The following MYO1E variants were observed in gnomAD, a reference collection of about 807,000 sequenced individuals.
MYO1E encodes unconventional myosin-Ie.
Under a neutral mutation model 151.1 loss-of-function variants are expected in MYO1E, and 68 were observed. The ratio of observed to expected loss-of-function variants is 0.45; its 90% CI spans 0.37 to 0.55. The LOEUF (loss-of-function observed/expected upper bound fraction) is 0.55. Among genes scored for constraint, MYO1E ranks in the 20% least tolerant of loss-of-function variants. MYO1E has a pLI of 0.00. For missense variants in MYO1E, 1,363 were observed against 1,389.3 expected, an observed-to-expected ratio of 0.98 and a Z score of 0.30; for synonymous variants, 601 against 501.7, an observed-to-expected ratio of 1.20 and a Z score of -2.64.
In MYO1E at chr15:59,344,964, T is replaced by C. The variant is rs183686271; in HGVS notation, c.3+27534A>G. On this transcript the variant is annotated intron_variant, in intron 1 of 27. Coordinates refer to ENST00000288235, the MANE Select transcript of MYO1E (RefSeq NM_004998.4). ...CTCATCTGTTTGCATATTGATAGGA[T>C]ATGACCAGAGCTTTCAAAATAACTT... 1.3e-3 allele frequency among the ~76,000 whole-genome samples: 195 copies of C among 152,298 alleles called. 1 individual carries two copies. The highest frequency in any genetic ancestry group is 6.6e-4 in the Non-Finnish European group (45 of 68,026).
rs74017400 is a variant in MYO1E, at chr15:59,214,443, A to C, written c.1189-129T>G. ...AAATGTTGGATGCATCAAAAGAAAT[A>C]AGTTTATATTTAGGAGAAACTAATT... On this transcript the variant is annotated intron_variant, in intron 11 of 27. Coordinates refer to ENST00000288235, the MANE Select transcript of MYO1E (RefSeq NM_004998.4). 11,253 of 893,520 alleles carry C rather than the reference A, an allele frequency of 0.013. 723 individuals are homozygous for C. In the African/African-American group the frequency reaches 0.15, roughly 12 times the overall value. The allele number at this position is 893,520 out of a possible 1,614,324, so 55.3% of individuals were successfully genotyped here.
At chr15:59,257,429 A>G (rs966307875) in intron 3 of MYO1E, among the ~76,000 whole-genome samples, 1 of 152,168 alleles carries the variant, frequency 6.6e-6, no homozygotes, top group African/African-American at 2.4e-5. Flanking sequence ...AATTGTGGGA[A>G]TAATAGCGTC....
At chr15:59,271,165 C>T (rs985778609) in intron 2 of MYO1E, 1 of 152,162 alleles carries the variant, frequency 6.6e-6, no homozygotes, top group African/African-American at 2.4e-5. Context: ...CCCGACCCCC[C>T]ACGACTTACC....
At chr15:59,239,477 A>G (rs2080087161) in intron 4 of MYO1E, among the ~76,000 whole-genome samples, 2 of 151,672 alleles carry the variant, frequency 1.3e-5, no homozygotes, top group Admixed American at 1.3e-4. Context: ...ATTATAAAAT[A>G]ATATATATAA....
chr15:59,230,251 T>TGC (rs1555412964), intron 6 of MYO1E, among the ~76,000 whole-genome samples: 8 of 151,778 alleles, frequency 5.3e-5, no homozygotes, highest in African/African-American at 1.9e-4. Context: ...TGTGTGTGTG[T>TGC]GTGCAGGTGA....
chr15:59,298,234 ATT>A lies in MYO1E; in HGVS notation c.4-25787_4-25786del, dbSNP rs2080462355. ...AAAATTTACATTTACAAATCTAGTT[ATT>A]TGGTACCCTGGGGGAATGTATTAAA... is the stretch of plus-strand genomic sequence containing the variant. On this transcript the variant is annotated intron_variant, in intron 1 of 27. Transcript: ENST00000288235. Among the ~76,000 whole-genome samples, 4 of 152,288 alleles carry A rather than the reference ATT, an allele frequency of 2.6e-5. No individual in the cohort carries two copies. The South Asian group carries it at 8.3e-4, about 32-fold the overall frequency.
chr15:59,214,743 C>A, intron 10 of MYO1E, 23 bp from the exon 11 acceptor site: 6 of 1,571,900 alleles, frequency 3.8e-6, no homozygotes, highest in Non-Finnish European at 5.3e-6. Context: ...AACAGCATGG[C>A]AGTGAACTCC....
At chr15:59,207,633 T>G in intron 14 of MYO1E, 1 of 1,614,188 alleles carries the variant, frequency 6.2e-7, no homozygotes, top group Non-Finnish European at 8.5e-7. Flanking sequence ...GTATCCATTC[T>G]GAAAGCTGCC....
intron 19 of MYO1E, among the ~76,000 whole-genome samples, chr15:59,176,449 C>CTTTTTTTT (rs68139054): frequency 8.9e-6 from 1 of 111,980 alleles, no homozygotes. Flanking sequence ...TTTCTTTTTC[C>CTTTTTTTT]TTTTTTTTTT....
chr15:59,252,243 T>C (rs1392817876), intron 4 of MYO1E, among the ~76,000 whole-genome samples: 12 of 152,200 alleles, frequency 7.9e-5, no homozygotes, highest in Admixed American at 7.9e-4. Context: ...GTGAGCACTC[T>C]TGGTGTCTAG....
chr15:59,185,234 T>C (rs890846912), intron 18 of MYO1E, among the ~76,000 whole-genome samples: 4 of 152,228 alleles, frequency 2.6e-5, no homozygotes, highest in South Asian at 4.2e-4. Flanking sequence ...ATTTTGTGGG[T>C]TGTCTCTTCA....
chr15:59,252,189 G>C (rs1451566964), intron 4 of MYO1E, among the ~76,000 whole-genome samples: 2 of 152,028 alleles, frequency 1.3e-5, no homozygotes, highest in East Asian at 1.9e-4. Context: ...ATATTCCCTA[G>C]CTTTGTACTT....
At chr15:59,312,851 C>CT (rs2080561055) in intron 1 of MYO1E, among the ~76,000 whole-genome samples, 1 of 146,970 alleles carries the variant, frequency 6.8e-6, no homozygotes, top group African/African-American at 2.6e-5. Context: ...AACCCCGACT[C>CT]TACTAAAAAT....
intron 4 of MYO1E, among the ~76,000 whole-genome samples, chr15:59,253,624 G>A (rs1566992874): frequency 6.6e-6 from 1 of 151,854 alleles, no homozygotes; most frequent in Non-Finnish European, 1.5e-5. Flanking sequence ...TGGGACTACA[G>A]GCATGCGCCG....
intron 1 of MYO1E, among the ~76,000 whole-genome samples, chr15:59,295,486 A>G (rs115671589): frequency 6.4e-4 from 97 of 152,370 alleles, no homozygotes; most frequent in Middle Eastern, 3.4e-3. Context: ...CACTACAGAC[A>G]GGAAACAGGC....
chr15:59,356,874 G>A (rs946999157), intron 1 of MYO1E, among the ~76,000 whole-genome samples: 1 of 145,708 alleles, frequency 6.9e-6, no homozygotes, highest in Non-Finnish European at 1.5e-5. Context: ...CCTGCCTCCT[G>A]TTAAGTTTTT....
intron 18 of MYO1E, among the ~76,000 whole-genome samples, chr15:59,180,415 T>G (rs1239099994): frequency 2.0e-5 from 3 of 152,180 alleles, no homozygotes; most frequent in Non-Finnish European, 2.9e-5. Flanking sequence ...GTGACAAGCT[T>G]CTGAGAGTAC....
In MYO1E at chr15:59,214,324, A is replaced by T; in HGVS notation, c.1189-10T>A. ...GTTCAAAGCCATTTTTCTGGAAAAA[A>T]AAAGTTATTCACATGTAATTCTTTC... On this transcript the variant is annotated splice_polypyrimidine_tract_variant and intron_variant, in intron 11 of 27. Coordinates refer to ENST00000288235, the MANE Select transcript of MYO1E (RefSeq NM_004998.4). 1 of 1,589,080 alleles carries T rather than the reference A, an allele frequency of 6.3e-7. No homozygotes were observed. Among genetic ancestry groups the T allele is most frequent in the Non-Finnish European group, 8.6e-7 (1 of 1,159,126 alleles).
At position 59,248,852 on chromosome 15, in the gene MYO1E, T is replaced by C. The variant is rs139430069; in HGVS notation, c.332+7432A>G. Among the ~76,000 whole-genome samples the C allele has an allele frequency of 3.3e-4, 50 of 152,326 alleles. No individual in the cohort carries two copies. The East Asian group carries it at 8.3e-3, about 25-fold the overall frequency. ...ATACGATCATCCCTTCGCTCAGAATTCACCCCTCTATCCAGCGTTCTCGTG... is the reference window on the plus strand; with the variant it reads ...ATACGATCATCCCTTCGCTCAGAATCCACCCCTCTATCCAGCGTTCTCGTG... On this transcript the variant is annotated intron_variant, in intron 4 of 27. Transcript: ENST00000288235.
Sources: gnomAD v4.1 joint callset for allele counts (sites outside exome capture counted in the v4.1 genomes callset) on GRCh38, gnomAD v4.1.1 for gene constraint, MANE v1.5 for transcripts, NCBI Gene and HGNC (gene_info 2026-07-23, HGNC 2026-07-21) for gene names.